NOSTRIN: variants seen among roughly 807,000 people sequenced by gnomAD.
The protein encoded by NOSTRIN is BM247 homolog.
A neutral mutation model predicts 59.0 loss-of-function variants in NOSTRIN; 63 were observed. The observed-to-expected ratio is 1.07, with a 90% CI of 0.87 to 1.32. The LOEUF is 1.32. Ranked by LOEUF, NOSTRIN falls within the 40% of genes most tolerant of loss-of-function variation. The pLI, the probability that NOSTRIN is intolerant of heterozygous loss-of-function variation, is 0.00. For synonymous variants in NOSTRIN, 200 were observed against 165.4 expected, an observed-to-expected ratio of 1.21 and a Z score of -1.61; for missense variants, 512 against 473.1, an observed-to-expected ratio of 1.08 and a Z score of -0.76.
intron 8 of NOSTRIN, among the ~76,000 whole-genome samples, chr2:168,844,926 T>C (rs1688324417): frequency 6.6e-6 from 1 of 151,242 alleles, no homozygotes; most frequent in Non-Finnish European, 1.5e-5. Flanking sequence ...TCCTGCCCCA[T>C]TGAAAACTGG....
At chr2:168,827,624 A>C (rs899600959) in intron 3 of NOSTRIN, among the ~76,000 whole-genome samples, 4 of 151,908 alleles carry the variant, frequency 2.6e-5, no homozygotes, top group Admixed American at 1.3e-4. Flanking sequence ...CCCAGGCTGG[A>C]GTACAGTGGC....
At position 168,824,297 on chromosome 2, in the gene NOSTRIN, T is replaced by C. The variant is rs145107636; in HGVS notation, c.114-337T>C. Among the ~76,000 whole-genome samples the C allele has an allele frequency of 2.0e-5, 3 of 152,094 alleles. No homozygotes were observed. In the East Asian group the frequency reaches 5.8e-4, roughly 29 times the overall value. The stretch of plus-strand genomic sequence containing the variant: ...TGGTTTGCTTGATTTCCAGCCAGCA[T>C]AATCAATTTTTTTTTTTTTGAGATG... On this transcript the variant is annotated intron_variant, in intron 2 of 15. Coordinates refer to ENST00000317647, the MANE Select transcript of NOSTRIN (RefSeq NM_001039724.4).
intron 1 of NOSTRIN, among the ~76,000 whole-genome samples, 188 bp downstream of exon 1, chr2:168,802,861 T>G (rs181101547): frequency 1.3e-5 from 2 of 152,330 alleles, no homozygotes; most frequent in East Asian, 3.9e-4. Flanking sequence ...TTCTAGGAAA[T>G]GACAGGGCAG....
chr2:168,803,283 G>A (rs1031254952), intron 1 of NOSTRIN, among the ~76,000 whole-genome samples: 3 of 152,222 alleles, frequency 2.0e-5, no homozygotes, highest in South Asian at 4.1e-4. Flanking sequence ...TGAGGTCTCC[G>A]GCGGCAATAG....
chr2:168,835,157 C>T (rs1458959016), intron 7 of NOSTRIN, among the ~76,000 whole-genome samples: 1 of 152,056 alleles, frequency 6.6e-6, no homozygotes, highest in African/African-American at 2.4e-5. Context: ...TCATTGCATC[C>T]TCCCACTCCA....
intron 2 of NOSTRIN, among the ~76,000 whole-genome samples, chr2:168,824,193 C>G (rs1002027232): frequency 6.6e-6 from 1 of 152,208 alleles, no homozygotes; most frequent in Non-Finnish European, 1.5e-5. Flanking sequence ...ATCATCTCTT[C>G]TTTACGTAGG....
chr2:168,794,583 C>T (rs1685434550), upstream of NOSTRIN, among the ~76,000 whole-genome samples: 1 of 152,062 alleles, frequency 6.6e-6, no homozygotes, highest in Non-Finnish European at 1.5e-5. Flanking sequence ...GATCTCCTGA[C>T]CTTGTGATCC....
chr2:168,820,718 CA>C (rs11452657), intron 2 of NOSTRIN, among the ~76,000 whole-genome samples: 17 of 132,962 alleles, frequency 1.3e-4, no homozygotes, highest in Non-Finnish European at 1.7e-4. Context: ...AAAAGCTGGC[CA>C]AAAAAAAAAA....
intron 2 of NOSTRIN, among the ~76,000 whole-genome samples, chr2:168,819,252 T>A (rs1207300092): frequency 6.6e-6 from 1 of 152,100 alleles, no homozygotes; most frequent in Admixed American, 6.6e-5. Context: ...CTAAGTGGGG[T>A]GTGCCTTGCT....
intron 1 of NOSTRIN, 130 bp from the exon 2 acceptor site, chr2:168,811,437 T>A (rs564667707): frequency 2.1e-6 from 1 of 475,432 alleles, no homozygotes; most frequent in South Asian, 3.6e-5. Flanking sequence ...TATAAATGCC[T>A]GTAGCTGCAC....
intron 4 of NOSTRIN, 64 bp downstream of exon 4, chr2:168,828,284 G>A (rs1173540249): frequency 6.9e-6 from 6 of 871,412 alleles, no homozygotes; most frequent in Non-Finnish European, 1.2e-5. Flanking sequence ...AAGTGGGTTT[G>A]CTACAAATAT....
intron 1 of NOSTRIN, among the ~76,000 whole-genome samples, chr2:168,803,794 C>T (rs1685713437): frequency 6.6e-6 from 1 of 152,168 alleles, no homozygotes; most frequent in Non-Finnish European, 1.5e-5. Flanking sequence ...AAACTTCCCC[C>T]TTTAATTACT....
chr2:168,801,488 G>T (rs969318512), upstream of NOSTRIN, among the ~76,000 whole-genome samples: 2 of 152,104 alleles, frequency 1.3e-5, no homozygotes, highest in Non-Finnish European at 2.9e-5. Context: ...CTCCCAAAGT[G>T]CTTGGATTAC....
intron 12 of NOSTRIN, among the ~76,000 whole-genome samples, chr2:168,857,080 G>A (rs377498693): frequency 1.2e-4 from 18 of 152,148 alleles, no homozygotes; most frequent in Admixed American, 5.9e-4. Flanking sequence ...TAAGAAAAGC[G>A]ACAGGAAACA....
intron 1 of NOSTRIN, among the ~76,000 whole-genome samples, chr2:168,787,694 G>C (rs1685241689): frequency 6.6e-6 from 1 of 152,178 alleles, no homozygotes; most frequent in African/African-American, 2.4e-5. Context: ...AGAAAGAGGA[G>C]CTGTGAGAAG....
upstream of NOSTRIN, among the ~76,000 whole-genome samples, chr2:168,796,781 C>T (rs1217957956): frequency 6.6e-6 from 1 of 152,090 alleles, no homozygotes; most frequent in Non-Finnish European, 1.5e-5. Flanking sequence ...GGAGCCATTT[C>T]CCATTTTAGA....
At chr2:168,843,554 C>T (rs1184471367) in intron 8 of NOSTRIN, among the ~76,000 whole-genome samples, 1 of 151,968 alleles carries the variant, frequency 6.6e-6, no homozygotes, top group Non-Finnish European at 1.5e-5. Flanking sequence ...GAGATGTGTA[C>T]ATCTCAGTGG....
At chr2:168,805,295 T>C (rs1685790282) in intron 1 of NOSTRIN, among the ~76,000 whole-genome samples, 1 of 152,216 alleles carries the variant, frequency 6.6e-6, no homozygotes, top group Non-Finnish European at 1.5e-5. Flanking sequence ...AGGATTAATC[T>C]TGAGAGTGTC....
chr2:168,842,071 T>G (rs1167026272), intron 7 of NOSTRIN, among the ~76,000 whole-genome samples: 1 of 152,158 alleles, frequency 6.6e-6, no homozygotes, highest in Non-Finnish European at 1.5e-5. Flanking sequence ...GGTCAGATAA[T>G]TTCTTTATGG....
Sources: allele counts gnomAD v4.1 joint callset (sites outside exome capture counted in the v4.1 genomes callset), GRCh38; gene constraint gnomAD v4.1.1; transcripts MANE v1.5; gene names NCBI Gene and HGNC (gene_info 2026-07-23, HGNC 2026-07-21).